The following SLCO5A1 variants were observed in gnomAD, a reference collection of about 807,000 sequenced individuals.
SLCO5A1 encodes solute carrier organic anion transporter family member 5A1.
Under a neutral mutation model 65.1 loss-of-function variants are expected in SLCO5A1, and 39 were observed. The ratio of observed to expected loss-of-function variants is 0.60; its 90% CI spans 0.46 to 0.78. The LOEUF (loss-of-function observed/expected upper bound fraction) is 0.78. Ranked by LOEUF, SLCO5A1 falls within the 30% of genes least tolerant of loss-of-function variation. The pLI, the probability that SLCO5A1 is intolerant of heterozygous loss-of-function variation, is 0.00. For missense variants in SLCO5A1, 1,029 were observed against 1,069.4 expected (o/e 0.96, Z 0.53); for synonymous variants, 438 against 415.7 (o/e 1.05, Z -0.65).
intron 2 of SLCO5A1, among the ~76,000 whole-genome samples, chr8:69,783,991 G>A (rs1422723776): frequency 6.6e-6 from 1 of 152,196 alleles, no homozygotes; most frequent in Non-Finnish European, 1.5e-5. Context: ...GGCTATGCAT[G>A]TGTGAGGCAG....
chr8:69,780,755 A>T (rs564261253), intron 2 of SLCO5A1, among the ~76,000 whole-genome samples: 7 of 152,264 alleles, frequency 4.6e-5, no homozygotes, highest in Non-Finnish European at 8.8e-5. Flanking sequence ...TATGCCATCT[A>T]TCCATGGTAT....
intron 2 of SLCO5A1, among the ~76,000 whole-genome samples, chr8:69,817,487 T>C (rs1820454559): frequency 6.6e-6 from 1 of 152,208 alleles, no homozygotes; most frequent in Non-Finnish European, 1.5e-5. Context: ...CTTTCAATTA[T>C]TTTGGATCTA....
intron 4 of SLCO5A1, among the ~76,000 whole-genome samples, chr8:69,750,021 C>T (rs909509678): frequency 6.6e-6 from 1 of 152,172 alleles, no homozygotes; most frequent in Non-Finnish European, 1.5e-5. Context: ...GGGTGAGACT[C>T]TCTGGCACGT....
chr8:69,833,991 G>A (rs1393803168), intron 1 of SLCO5A1: 1 of 152,486 alleles, frequency 6.6e-6, no homozygotes, highest in Non-Finnish European at 1.5e-5. Flanking sequence ...GGAGCCCACG[G>A]AGCCGGCTGG....
intron 7 of SLCO5A1, among the ~76,000 whole-genome samples, 165 bp from the exon 8 acceptor site, chr8:69,679,784 C>T (rs1366213508): frequency 6.6e-6 from 1 of 152,200 alleles, no homozygotes; most frequent in South Asian, 2.1e-4. Flanking sequence ...CAGTAAGGAT[C>T]TCAAGTGTGT....
At position 69,761,827 on chromosome 8, in the gene SLCO5A1, A is replaced by C. The variant is rs1446812949; in HGVS notation, c.956T>G (p.Leu319Ter). 1.2e-6 allele frequency: 2 copies of C among 1,614,026 alleles called. No homozygotes were observed. Among genetic ancestry groups the C allele is most frequent in the African/African-American group, 1.3e-5 (1 of 75,066 alleles). Residue 319 changes from leucine (L) to a stop codon, truncating the protein, a stop_gained, in exon 3 of 10, where the codon TTA becomes TGA. Coordinates refer to ENST00000260126, the MANE Select transcript of SLCO5A1 (RefSeq NM_030958.3). LOFTEE classifies it high-confidence loss of function. ...GALGPAVGYLLGGLLIGFYVD... is the reference protein window; with the variant it reads ...GALGPAVGYL ...ATAAAAACCAATAAGAAGTCCACCT[A>C]ATAAATATCCCACTGCAGGGCCAAG...
rs200180025 is a variant in SLCO5A1, at chr8:69,810,170, G to T, written c.907+21597C>A. 4.6e-5 allele frequency among the ~76,000 whole-genome samples: 7 copies of T among 152,304 alleles called. No homozygotes were observed. The East Asian group carries it at 1.3e-3, about 29-fold the overall frequency. On this transcript the variant is annotated intron_variant, in intron 2 of 9. Coordinates refer to ENST00000260126, the MANE Select transcript of SLCO5A1 (RefSeq NM_030958.3). Reference sequence around the variant, plus strand: ...GGAGGCACCGCATTTAGTGGAACTGGCCATGCTGGAGGGTAGAGCCAATGG... The same window carrying T: ...GGAGGCACCGCATTTAGTGGAACTGTCCATGCTGGAGGGTAGAGCCAATGG...
At chr8:69,814,743 T>C (rs1188044529) in intron 2 of SLCO5A1, among the ~76,000 whole-genome samples, 7 of 152,168 alleles carry the variant, frequency 4.6e-5, no homozygotes, top group Admixed American at 4.6e-4. Flanking sequence ...ACTGCAGCAC[T>C]ATTCACAATA....
intron 2 of SLCO5A1, among the ~76,000 whole-genome samples, chr8:69,825,437 G>T (rs1384497797): frequency 6.6e-6 from 1 of 152,090 alleles, no homozygotes; most frequent in African/African-American, 2.4e-5. Context: ...AAAGTCTCAG[G>T]ATACAAAATC....
At chr8:69,826,597 G>T (rs1337076212) in intron 2 of SLCO5A1, among the ~76,000 whole-genome samples, 1 of 152,022 alleles carries the variant, frequency 6.6e-6, no homozygotes, top group Non-Finnish European at 1.5e-5. Flanking sequence ...TCTCACACCA[G>T]TTAGAATGGC....
chr8:69,756,732 C>T (rs908646819), intron 3 of SLCO5A1, among the ~76,000 whole-genome samples: 13 of 152,226 alleles, frequency 8.5e-5, no homozygotes, highest in African/African-American at 3.1e-4. Flanking sequence ...GAGATTGCCA[C>T]GTTGCAGAGC....
chr8:69,743,443 C>T (rs915062416), intron 4 of SLCO5A1, among the ~76,000 whole-genome samples: 16 of 152,154 alleles, frequency 1.1e-4, no homozygotes, highest in African/African-American at 3.6e-4. Context: ...ACCTCAAACT[C>T]AGGGCTCAAG....
chr8:69,674,234 G>C lies in SLCO5A1; in HGVS notation c.2090-908C>G, dbSNP rs76287759. On this transcript the variant is annotated intron_variant, in intron 9 of 9. Transcript: ENST00000260126. Reference sequence around the variant, plus strand: ...TTGTCACTCCATAAGCTTCTTCAAGGCAGGGGCCACGCCTTTTATTCTTTG... The same window carrying C: ...TTGTCACTCCATAAGCTTCTTCAAGCCAGGGGCCACGCCTTTTATTCTTTG... Among the ~76,000 whole-genome samples, 1,152 of 152,158 alleles carry C rather than the reference G, an allele frequency of 7.6e-3. 16 individuals are homozygous for C. The highest frequency in any genetic ancestry group is 0.026 in the African/African-American group (1,079 of 41,496).
chr8:69,710,742 G>A (rs1280052903), intron 5 of SLCO5A1, among the ~76,000 whole-genome samples: 2 of 152,072 alleles, frequency 1.3e-5, no homozygotes, highest in Non-Finnish European at 2.9e-5. Flanking sequence ...ATCCTAATTA[G>A]CATTAGGCTC....
intron 2 of SLCO5A1, among the ~76,000 whole-genome samples, chr8:69,800,357 G>A (rs141408853): frequency 6.6e-6 from 1 of 151,436 alleles, no homozygotes; most frequent in African/African-American, 2.4e-5. Context: ...AGGAGGAGGA[G>A]GAGGAGAAGA....
At chr8:69,704,456 A>G (rs1378680671) in intron 6 of SLCO5A1, among the ~76,000 whole-genome samples, 1 of 152,184 alleles carries the variant, frequency 6.6e-6, no homozygotes, top group East Asian at 1.9e-4. Context: ...ATATTGTTCC[A>G]TTTTTTAAAA....
intron 7 of SLCO5A1, among the ~76,000 whole-genome samples, chr8:69,680,381 C>T (rs185487587): frequency 1.1e-4 from 17 of 152,230 alleles, no homozygotes; most frequent in African/African-American, 2.9e-4. Flanking sequence ...TGAGAACATG[C>T]GGTATTTGGT....
chr8:69,818,322 G>A (rs764005931), intron 2 of SLCO5A1, among the ~76,000 whole-genome samples: 7 of 152,172 alleles, frequency 4.6e-5, no homozygotes, highest in African/African-American at 1.4e-4. Flanking sequence ...CTGGTCTTTC[G>A]ATCCTTGCTG....
intron 9 of SLCO5A1, among the ~76,000 whole-genome samples, chr8:69,675,063 T>C (rs1161018238): frequency 6.6e-6 from 1 of 151,398 alleles, no homozygotes; most frequent in Non-Finnish European, 1.5e-5. Flanking sequence ...CATATATATA[T>C]ACATATATAT....
Sources: allele counts gnomAD v4.1 joint callset (sites outside exome capture counted in the v4.1 genomes callset), GRCh38; gene constraint gnomAD v4.1.1; transcripts MANE v1.5; gene names NCBI Gene and HGNC (gene_info 2026-07-23, HGNC 2026-07-21).